KCNQ1OT1: variants seen among roughly 807,000 people sequenced by gnomAD.
The protein encoded by KCNQ1OT1 is KCNQ1 antisense RNA 2 (non-protein coding).
chr11:2,665,323 G>T, exon 1 of KCNQ1OT1: 1 of 398,390 alleles, frequency 2.5e-6, no homozygotes, highest in Non-Finnish European at 4.4e-6. Flanking sequence ...AAGGTGGGAA[G>T]TAGAGACTGT....
In KCNQ1OT1 at chr11:2,698,763, A is replaced by G; in HGVS notation, n.1232T>C. 5.0e-6 allele frequency: 2 copies of G among 398,806 alleles called. No individual in the cohort carries two copies. The highest frequency in any genetic ancestry group is 8.8e-6 in the Non-Finnish European group (2 of 226,152). 24.7% of individuals were successfully genotyped at this position (398,806 alleles called of 1,614,324 possible). The stretch of plus-strand genomic sequence containing the variant: ...GGATCTCAACTCAGAGCCATGATGC[A>G]GACTCCAGACCGGGATTCAGGTCCC... On this transcript the variant is annotated non_coding_transcript_exon_variant, in exon 1 of 1. Coordinates refer to ENST00000597346, the Ensembl canonical transcript of KCNQ1OT1. The surrounding 1 kb of genome is among the most constrained non-coding windows in gnomAD (Gnocchi z 5.1).
Position 2,670,887 on chromosome 11 carries a change from G to T in KCNQ1OT1, n.29108C>A. ...CAGTGGGCCACTGGGAAGCCTCCTG[G>T]ATTGCCTGGACAAGGCTGACCTGCC... On this transcript the variant is annotated non_coding_transcript_exon_variant, in exon 1 of 1. Transcript: ENST00000597346. This position sits in a 1 kb window ranked among gnomAD's most constrained non-coding sequence, Gnocchi z 4.9. The T allele has an allele frequency of 2.5e-6, 1 of 398,654 alleles. No individual in the cohort carries two copies. Among genetic ancestry groups the T allele is most frequent in the Non-Finnish European group, 4.4e-6 (1 of 226,084 alleles). 24.7% of individuals were successfully genotyped at this position (398,654 alleles called of 1,614,324 possible).
At chr11:2,610,414 G>A (rs1008577559) in exon 1 of KCNQ1OT1, 1 of 398,082 alleles carries the variant, frequency 2.5e-6, no homozygotes, top group African/African-American at 2.1e-5. Context: ...TCTAGTTTCT[G>A]TTTTATTAAC....
At chr11:2,609,320 T>C in exon 1 of KCNQ1OT1, 1 of 398,406 alleles carries the variant, frequency 2.5e-6, no homozygotes, top group East Asian at 3.6e-5. Flanking sequence ...TTTCCACATG[T>C]GTATGTTTCC....
chr11:2,627,839 C>T lies in KCNQ1OT1; in HGVS notation n.72156G>A, dbSNP rs1430168079. 2 of 398,590 alleles carry T rather than the reference C, an allele frequency of 5.0e-6. No individual in the cohort carries two copies. The highest frequency in any genetic ancestry group is 8.8e-6 in the Non-Finnish European group (2 of 226,172). 24.7% of individuals were successfully genotyped at this position (398,590 alleles called of 1,614,324 possible). ...AATCACAGTTCACTGTAGCCTCAACCTCATGGGCTCAAGTGATCCTCCTGC... is the reference window on the plus strand; with the variant it reads ...AATCACAGTTCACTGTAGCCTCAACTTCATGGGCTCAAGTGATCCTCCTGC... On this transcript the variant is annotated non_coding_transcript_exon_variant, in exon 1 of 1. Transcript: ENST00000597346. The surrounding 1 kb of genome is among the most constrained non-coding windows in gnomAD (Gnocchi z 4.9).
chr11:2,662,136 A>G, exon 1 of KCNQ1OT1: 1 of 1,611,110 alleles, frequency 6.2e-7, no homozygotes, highest in Non-Finnish European at 8.5e-7. Flanking sequence ...GAGCTCAAGG[A>G]GTCAGACTTG....
Position 2,674,705 on chromosome 11 carries a change from G to T in KCNQ1OT1, n.25290C>A. On this transcript the variant is annotated non_coding_transcript_exon_variant, in exon 1 of 1. Coordinates refer to ENST00000597346, the Ensembl canonical transcript of KCNQ1OT1. The surrounding 1 kb of genome is among the most constrained non-coding windows in gnomAD (Gnocchi z 5.9). ...TGTTGAACCTTAAACCTTTCCTGAT[G>T]ACTCCTTCCTTCTGAACTTAACTCG... 1 of 398,382 alleles carries T rather than the reference G, an allele frequency of 2.5e-6. No homozygotes were observed. The highest frequency in any genetic ancestry group is 1.3e-4 in the South Asian group (1 of 7,804). The allele number at this position is 398,382 out of a possible 1,614,324, so 24.7% of individuals were successfully genotyped here.
exon 1 of KCNQ1OT1, chr11:2,665,962 C>T (rs976693987): frequency 2.3e-5 from 9 of 398,556 alleles, no homozygotes; most frequent in African/African-American, 1.6e-4. Flanking sequence ...CCTCACACTG[C>T]ATCCCCAACT....
At chr11:2,631,186 A>G in exon 1 of KCNQ1OT1, 3 of 398,404 alleles carry the variant, frequency 7.5e-6, no homozygotes, top group Admixed American at 4.4e-5. Flanking sequence ...TCTACCCTTT[A>G]CCTCTCTACT....
exon 1 of KCNQ1OT1, chr11:2,616,057 T>A (rs1262804532): frequency 2.5e-6 from 1 of 398,058 alleles, no homozygotes; most frequent in African/African-American, 2.1e-5. Flanking sequence ...CTGCTCATAA[T>A]TTCAATTTCT....
rs1043623051 is a variant in KCNQ1OT1 at position 2,652,819 on chromosome 11, C to T, written n.47176G>A. ...CACCCTTGGGCCTGCAGAGACATTTCCGTTCACTCTGAGATTTGTGTATGC... is the reference window on the plus strand; with the variant it reads ...CACCCTTGGGCCTGCAGAGACATTTTCGTTCACTCTGAGATTTGTGTATGC... On this transcript the variant is annotated non_coding_transcript_exon_variant, in exon 1 of 1. Transcript: ENST00000597346. The surrounding 1 kb of genome is among the most constrained non-coding windows in gnomAD (Gnocchi z 5.9). The T allele has an allele frequency of 2.5e-6, 1 of 399,068 alleles. No individual in the cohort carries two copies. The allele number at this position is 399,068 out of a possible 1,614,324, so 24.7% of individuals were successfully genotyped here.
exon 1 of KCNQ1OT1, chr11:2,681,300 C>G: frequency 2.5e-6 from 1 of 398,510 alleles, no homozygotes; most frequent in Non-Finnish European, 4.4e-6. Flanking sequence ...GTCCTACCAG[C>G]CCACCTGGTT....
chr11:2,665,971 C>T, exon 1 of KCNQ1OT1: 1 of 398,686 alleles, frequency 2.5e-6, no homozygotes, highest in Non-Finnish European at 4.4e-6. Flanking sequence ...GCATCCCCAA[C>T]TGCCAAGCCA....
At chr11:2,693,561 C>T (rs764296146) in exon 1 of KCNQ1OT1, 46 of 398,618 alleles carry the variant, frequency 1.2e-4, no homozygotes, top group Middle Eastern at 1.3e-3. Flanking sequence ...CAAGGCTTTT[C>T]GGAGGAGCAG....
chr11:2,661,619 G>A lies in KCNQ1OT1; in HGVS notation n.38376C>T. On this transcript the variant is annotated non_coding_transcript_exon_variant, in exon 1 of 1. Transcript: ENST00000597346. The surrounding 1 kb of genome is among the most constrained non-coding windows in gnomAD (Gnocchi z 5.9). ...TACCAGGCCTGTGCCTGTCACCTCT[G>A]TTTTATTCTTGACCCAAGTGTCAGT... 1 of 589,776 alleles carries A rather than the reference G, an allele frequency of 1.7e-6. No homozygotes were observed. The highest frequency in any genetic ancestry group is 3.0e-6 in the Non-Finnish European group (1 of 331,160). The allele number at this position is 589,776 out of a possible 1,614,324, so 36.5% of individuals were successfully genotyped here. A position where few individuals can be genotyped will look rare whatever the true frequency, so the allele number is the denominator to read the frequency against.
In KCNQ1OT1 at chr11:2,613,011, C is replaced by G; in HGVS notation, n.86984G>C. On this transcript the variant is annotated non_coding_transcript_exon_variant, in exon 1 of 1. Transcript: ENST00000597346. The surrounding 1 kb of genome is among the most constrained non-coding windows in gnomAD (Gnocchi z 4.8). ...TTGCTCAGTTTTGTTTGTTTTAATTCTTATGTTTGTTTTGTAAGCCTGGCT... is the reference window on the plus strand; with the variant it reads ...TTGCTCAGTTTTGTTTGTTTTAATTGTTATGTTTGTTTTGTAAGCCTGGCT... 1 of 398,550 alleles carries G rather than the reference C, an allele frequency of 2.5e-6. No individual in the cohort carries two copies. The highest frequency in any genetic ancestry group is 4.4e-6 in the Non-Finnish European group (1 of 226,092). 24.7% of individuals were successfully genotyped at this position (398,550 alleles called of 1,614,324 possible).
rs187635008 is a variant in KCNQ1OT1 at position 2,643,483 on chromosome 11, T to A, written n.56512A>T. On this transcript the variant is annotated non_coding_transcript_exon_variant, in exon 1 of 1. Coordinates refer to ENST00000597346, the Ensembl canonical transcript of KCNQ1OT1. The stretch of plus-strand genomic sequence containing the variant: ...TGAAAGTATAGCTACTCCTGTTTGG[T>A]TTTTGTTTCCTTTTGCATGTAATAT... 13 of 398,430 alleles carry A rather than the reference T, an allele frequency of 3.3e-5. No homozygotes were observed. In the Admixed American group the frequency reaches 3.5e-4, roughly 11 times the overall value. 24.7% of individuals were successfully genotyped at this position (398,430 alleles called of 1,614,324 possible).
chr11:2,695,334 G>GTC lies in KCNQ1OT1; in HGVS notation n.4660_4661insGA. The GTC allele has an allele frequency of 2.5e-6, 1 of 398,388 alleles. No homozygotes were observed. The highest frequency in any genetic ancestry group is 4.4e-6 in the Non-Finnish European group (1 of 226,074). 24.7% of individuals were successfully genotyped at this position (398,388 alleles called of 1,614,324 possible). A position where few individuals can be genotyped will look rare whatever the true frequency, so the allele number is the denominator to read the frequency against. Reference sequence around the variant, plus strand: ...GGGTAATTTATTTATATCATTGTGTGTGTGTGTGTGCACTCACGAGCACTC... The same window carrying GTC: ...GGGTAATTTATTTATATCATTGTGTGTCTGTGTGTGTGCACTCACGAGCACTC... On this transcript the variant is annotated non_coding_transcript_exon_variant, in exon 1 of 1. Coordinates refer to ENST00000597346, the Ensembl canonical transcript of KCNQ1OT1. This position sits in a 1 kb window ranked among gnomAD's most constrained non-coding sequence, Gnocchi z 5.2.
In KCNQ1OT1 at chr11:2,658,468, C is replaced by G. The variant is rs1311868921; in HGVS notation, n.41527G>C. On this transcript the variant is annotated non_coding_transcript_exon_variant, in exon 1 of 1. Coordinates refer to ENST00000597346, the Ensembl canonical transcript of KCNQ1OT1. The surrounding 1 kb of genome is among the most constrained non-coding windows in gnomAD (Gnocchi z 4.9). ...ATGTGTCCTTTTGATGTGCCCCCCG[C>G]CATCCTTTTCATTTATTTTTAAGCA... is the stretch of plus-strand genomic sequence containing the variant. The G allele has an allele frequency of 2.5e-6, 1 of 398,356 alleles. No individual in the cohort carries two copies. The highest frequency in any genetic ancestry group is 3.6e-5 in the East Asian group (1 of 28,080). 24.7% of individuals were successfully genotyped at this position (398,356 alleles called of 1,614,324 possible). A position where few individuals can be genotyped will look rare whatever the true frequency, so the allele number is the denominator to read the frequency against.
Sources: allele counts gnomAD v4.1 joint callset, GRCh38; gene constraint gnomAD v4.1.1; non-coding constraint Gnocchi (gnomAD v3.1); transcripts MANE v1.5; gene names NCBI Gene and HGNC (gene_info 2026-07-23, HGNC 2026-07-21).